Variants in RPTOR observed in about 807,000 individuals in gnomAD.
The protein encoded by RPTOR is regulatory-associated protein of mTOR.
Under a neutral mutation model 169.9 loss-of-function variants are expected in RPTOR, and 21 were observed. That is an observed-to-expected ratio of 0.12 (90% CI 0.09 to 0.18). The LOEUF (loss-of-function observed/expected upper bound fraction) is 0.18, where lower values mean the gene tolerates loss of function less well. RPTOR is among the 10% of genes least tolerant of loss of function. RPTOR has a pLI of 1.00. For synonymous variants in RPTOR, 732 were observed against 753.2 expected (o/e 0.97, Z 0.46); for missense variants, 1,133 against 1,855.9 (o/e 0.61, Z 7.16).
intron 5 of RPTOR, among the ~76,000 whole-genome samples, chr17:80,742,858 G>A (rs373541388): frequency 6.6e-6 from 1 of 151,538 alleles, no homozygotes; most frequent in Non-Finnish European, 1.5e-5. Flanking sequence ...ACATATACAT[G>A]TGCACACAGA....
intron 7 of RPTOR, among the ~76,000 whole-genome samples, chr17:80,819,212 G>C (rs2067354756): frequency 6.6e-6 from 1 of 152,182 alleles, no homozygotes; most frequent in African/African-American, 2.4e-5. Context: ...AGGAGCCAGG[G>C]TTTTGGCAGT....
chr17:80,591,104 C>A (rs1053106360), intron 1 of RPTOR, among the ~76,000 whole-genome samples: 1 of 148,472 alleles, frequency 6.7e-6, no homozygotes, highest in Non-Finnish European at 1.5e-5. Flanking sequence ...ATAGTTCTCT[C>A]TTTTAGAATT....
At chr17:80,903,245 G>T (rs561808771) in intron 20 of RPTOR, among the ~76,000 whole-genome samples, 2 of 152,352 alleles carry the variant, frequency 1.3e-5, no homozygotes, top group Admixed American at 1.3e-4. Flanking sequence ...CAGAAGCCCC[G>T]CAGGCCGCCT....
chr17:80,602,678 G>T, intron 1 of RPTOR: 1 of 718,838 alleles, frequency 1.4e-6, no homozygotes, highest in Non-Finnish European at 2.6e-6. Context: ...ACGCACGGAT[G>T]CGGTAGGGGA....
chr17:80,730,760 GGGGTGGGGTTT>G lies in RPTOR; in HGVS notation c.654+63_654+73del. The G allele has an allele frequency of 2.4e-5, 36 of 1,518,460 alleles. 2 individuals carry two copies. Among genetic ancestry groups the G allele is most frequent in the Non-Finnish European group, 3.2e-5 (35 of 1,106,354 alleles). 94.1% of individuals were successfully genotyped at this position (1,518,460 alleles called of 1,614,324 possible). A position where few individuals can be genotyped will look rare whatever the true frequency, so the allele number is the denominator to read the frequency against. The stretch of plus-strand genomic sequence containing the variant: ...GCTGGGTTTGGTTTTGTTTTCCCTG[GGGGTGGGGTTT>G]GGGTGGGGAGGTTGGGAGGTGTTGG... On this transcript the variant is annotated intron_variant, in intron 5 of 33. Coordinates refer to ENST00000306801, the MANE Select transcript of RPTOR (RefSeq NM_020761.3). The surrounding 1 kb of genome is among the most constrained non-coding windows in gnomAD (Gnocchi z 4.2).
At chr17:80,765,365 C>A (rs1288882278) in intron 6 of RPTOR, among the ~76,000 whole-genome samples, 1 of 152,206 alleles carries the variant, frequency 6.6e-6, no homozygotes, top group Non-Finnish European at 1.5e-5. Context: ...TTTGCACCGT[C>A]CAGGTCAAAG....
chr17:80,694,597 C>T lies in RPTOR; in HGVS notation c.349-13244C>T, dbSNP rs145463415. 3.1e-4 allele frequency among the ~76,000 whole-genome samples: 47 copies of T among 152,350 alleles called. 1 individual carries two copies. The highest frequency in any genetic ancestry group is 1.1e-3 in the African/African-American group (44 of 41,588). ...CAGCATCAGGTTCCCAGTTCTCTGC[C>T]TGCCAGGCAGGCGTGCACATATGGA... is the stretch of plus-strand genomic sequence containing the variant. On this transcript the variant is annotated intron_variant, in intron 3 of 33. Coordinates refer to ENST00000306801, the MANE Select transcript of RPTOR (RefSeq NM_020761.3).
intron 29 of RPTOR, among the ~76,000 whole-genome samples, chr17:80,958,664 C>A (rs886674870): frequency 1.3e-5 from 2 of 152,118 alleles, no homozygotes; most frequent in Non-Finnish European, 2.9e-5. Context: ...CCGCCCACCT[C>A]AGCCTCCCAA....
intron 3 of RPTOR, among the ~76,000 whole-genome samples, chr17:80,689,550 G>T (rs34388940): frequency 0.18 from 27,323 of 152,268 alleles, 2,896 homozygotes; most frequent in East Asian, 0.24. Flanking sequence ...GCTTTCATCA[G>T]ATAGTTAGCG....
At chr17:80,550,148 C>G (rs1372933488) in intron 1 of RPTOR, among the ~76,000 whole-genome samples, 2 of 152,248 alleles carry the variant, frequency 1.3e-5, no homozygotes, top group Non-Finnish European at 2.9e-5. Flanking sequence ...TGCGTCCTCT[C>G]CACATTCCAA....
intron 1 of RPTOR, among the ~76,000 whole-genome samples, chr17:80,587,211 T>C (rs2065068844): frequency 6.6e-6 from 1 of 152,276 alleles, no homozygotes; most frequent in South Asian, 2.1e-4. Context: ...TGCCTTTTTC[T>C]TTTCTCACAG....
intron 5 of RPTOR, among the ~76,000 whole-genome samples, chr17:80,743,125 G>T (rs1024356159): frequency 6.6e-6 from 1 of 152,156 alleles, no homozygotes; most frequent in African/African-American, 2.4e-5. Context: ...GCTCTTACTA[G>T]TGTCTCCAGC....
intron 11 of RPTOR, among the ~76,000 whole-genome samples, chr17:80,847,116 C>T (rs945834220): frequency 6.6e-6 from 1 of 152,270 alleles, no homozygotes; most frequent in African/African-American, 2.4e-5. Flanking sequence ...CTGAAGCACA[C>T]ACAGATCCGG....
chr17:80,722,020 G>C (rs1329063570), intron 4 of RPTOR, among the ~76,000 whole-genome samples: 1 of 150,944 alleles, frequency 6.6e-6, no homozygotes, highest in Non-Finnish European at 1.5e-5. Context: ...GTAAGATGAG[G>C]CTTTTAACAC....
intron 20 of RPTOR, among the ~76,000 whole-genome samples, chr17:80,907,657 A>G (rs1052216878): frequency 5.9e-5 from 9 of 152,068 alleles, no homozygotes; most frequent in African/African-American, 1.9e-4. Flanking sequence ...CTGGTTTCCA[A>G]GTGCTCACAG....
chr17:80,901,299 T>C (rs544581582), intron 20 of RPTOR, among the ~76,000 whole-genome samples: 1 of 152,258 alleles, frequency 6.6e-6, no homozygotes, highest in South Asian at 2.1e-4. Context: ...TTTTCTCCTC[T>C]GCCGGTTCTT....
intron 3 of RPTOR, among the ~76,000 whole-genome samples, chr17:80,656,280 A>G (rs866842110): frequency 6.6e-6 from 1 of 152,180 alleles, no homozygotes; most frequent in Admixed American, 6.5e-5. Context: ...CATGTTGGTC[A>G]GGCTGGTCTC....
rs973270589 is a variant in RPTOR, at chr17:80,654,022, A to G, written c.348+10212A>G. Among the ~76,000 whole-genome samples, 6 of 52,040 alleles carry G rather than the reference A, an allele frequency of 1.2e-4. No individual in the cohort carries two copies. The East Asian group carries it at 2.1e-3, about 18-fold the overall frequency. 34.1% of individuals were successfully genotyped at this position (52,040 alleles called of 152,430 possible). A position where few individuals can be genotyped will look rare whatever the true frequency, so the allele number is the denominator to read the frequency against. On this transcript the variant is annotated intron_variant, in intron 3 of 33. Transcript: ENST00000306801. ...TACGGCCAGTGTTAAAAGACAGACAAGTGCCACCCAGGGGCAAGGGGAGTG... is the reference window on the plus strand; with the variant it reads ...TACGGCCAGTGTTAAAAGACAGACAGGTGCCACCCAGGGGCAAGGGGAGTG...
chr17:80,788,560 G>A (rs1265108168), intron 6 of RPTOR, among the ~76,000 whole-genome samples: 1 of 152,150 alleles, frequency 6.6e-6, no homozygotes, highest in Non-Finnish European at 1.5e-5. Context: ...CCTGCATCCT[G>A]TGTTAATCTG....
Sources: allele counts gnomAD v4.1 joint callset (sites outside exome capture counted in the v4.1 genomes callset), GRCh38; gene constraint gnomAD v4.1.1; non-coding constraint Gnocchi (gnomAD v3.1); transcripts MANE v1.5; gene names NCBI Gene and HGNC (gene_info 2026-07-23, HGNC 2026-07-21).